The following MAGI3 variants were observed in gnomAD, a reference collection of about 807,000 sequenced individuals.
The protein encoded by MAGI3 is membrane associated guanylate kinase, WW and PDZ domain containing 3.
A neutral mutation model predicts 121.8 loss-of-function variants in MAGI3; 43 were observed. That is an observed-to-expected ratio of 0.35 (90% confidence interval 0.28 to 0.46). The LOEUF (loss-of-function observed/expected upper bound fraction) is 0.46, where lower values mean the gene tolerates loss of function less well. Ranked by LOEUF, MAGI3 falls within the 20% of genes least tolerant of loss-of-function variation. The pLI is 1.00. For synonymous variants in MAGI3, 553 were observed against 639.3 expected (o/e 0.86, Z 2.04); for missense variants, 1,547 against 1,797.3 (o/e 0.86, Z 2.52).
intron 8 of MAGI3, among the ~76,000 whole-genome samples, chr1:113,620,749 A>G (rs555103590): frequency 6.6e-6 from 1 of 152,318 alleles, no homozygotes; most frequent in East Asian, 1.9e-4. Flanking sequence ...GATAGGTGCC[A>G]TCATAGAGTA....
chr1:113,567,588 C>CT (rs1660485247), intron 2 of MAGI3, among the ~76,000 whole-genome samples: 1 of 152,036 alleles, frequency 6.6e-6, no homozygotes, highest in Non-Finnish European at 1.5e-5. Context: ...AAATTTATGC[C>CT]TGGAATGCAA....
chr1:113,637,263 C>G (rs1652097953), intron 9 of MAGI3, among the ~76,000 whole-genome samples: 1 of 152,100 alleles, frequency 6.6e-6, no homozygotes, highest in African/African-American at 2.4e-5. Context: ...TGAATTTGAT[C>G]CTGTCATTAT....
At chr1:113,435,841 A>G (rs377302409) in intron 1 of MAGI3, among the ~76,000 whole-genome samples, 21 of 152,286 alleles carry the variant, frequency 1.4e-4, no homozygotes, top group African/African-American at 5.1e-4. Context: ...ACCATTCTAT[A>G]AAATATATTT....
At chr1:113,416,158 ATATTATTAT>A (rs1557743986) in intron 1 of MAGI3, among the ~76,000 whole-genome samples, 2 of 112,512 alleles carry the variant, frequency 1.8e-5, no homozygotes, top group Non-Finnish European at 3.7e-5. Flanking sequence ...TTAATGACAC[ATATTATTAT>A]GTAATTAATG....
At chr1:113,521,250 TA>T (rs1658180207) in intron 1 of MAGI3, among the ~76,000 whole-genome samples, 1 of 151,450 alleles carries the variant, frequency 6.6e-6, no homozygotes, top group African/African-American at 2.4e-5. Flanking sequence ...CACACTCAGC[TA>T]ATTTTTATAT....
At chr1:113,669,185 C>G (rs1647366846) in intron 16 of MAGI3, among the ~76,000 whole-genome samples, 1 of 152,170 alleles carries the variant, frequency 6.6e-6, no homozygotes, top group South Asian at 2.1e-4. Flanking sequence ...GACAATCGAA[C>G]TCTATACTGG....
At chr1:113,624,194 C>T (rs1651074142) in intron 9 of MAGI3, among the ~76,000 whole-genome samples, 1 of 152,148 alleles carries the variant, frequency 6.6e-6, no homozygotes, top group African/African-American at 2.4e-5. Context: ...CTTCAATATA[C>T]TGATTTCCTT....
chr1:113,536,991 CT>C (rs1659037443), intron 1 of MAGI3, among the ~76,000 whole-genome samples: 1 of 152,126 alleles, frequency 6.6e-6, no homozygotes, highest in Non-Finnish European at 1.5e-5. Flanking sequence ...CACAAAGTTA[CT>C]TTTTTAATAT....
chr1:113,436,306 C>CTA (rs1337791178), intron 1 of MAGI3, among the ~76,000 whole-genome samples: 2 of 151,418 alleles, frequency 1.3e-5, no homozygotes, highest in Non-Finnish European at 2.9e-5. Context: ...CTCTCTCTCT[C>CTA]TATATATATA....
At position 113,394,887 on chromosome 1, in the gene MAGI3, T is replaced by C. The variant is rs190583791; in HGVS notation, c.316+3538T>C. 1.4e-4 allele frequency among the ~76,000 whole-genome samples: 22 copies of C among 152,216 alleles called. No individual in the cohort carries two copies. The East Asian group carries it at 3.7e-3, about 25-fold the overall frequency. On this transcript the variant is annotated intron_variant, in intron 1 of 20. Transcript: ENST00000307546. ...AAGTTGAAACAGTTCCTGGGTAATG[T>C]TAAAGGTAGGTAAAAGTCTTCACTG...
At chr1:113,420,609 T>G (rs1196596488) in intron 1 of MAGI3, among the ~76,000 whole-genome samples, 1 of 152,222 alleles carries the variant, frequency 6.6e-6, no homozygotes, top group Non-Finnish European at 1.5e-5. Flanking sequence ...GAAAGGAGTT[T>G]GAATATTTAA....
rs1057012394 is a variant in MAGI3, at chr1:113,685,121, T to C, written c.*1107T>C. The C allele has an allele frequency of 4.6e-5, 7 of 152,364 alleles. No homozygotes were observed. Among genetic ancestry groups the C allele is most frequent in the African/African-American group, 1.7e-4 (7 of 41,456 alleles). 9.4% of individuals were successfully genotyped at this position (152,364 alleles called of 1,614,324 possible). A position where few individuals can be genotyped will look rare whatever the true frequency, so the allele number is the denominator to read the frequency against. On this transcript the variant is annotated 3_prime_UTR_variant, in exon 21 of 21. Transcript: ENST00000307546. ...AAATGTGTAGACAGTACTTACTGGA[T>C]CTTATTTAACTTTTAGCTACATTAA...
At chr1:113,536,688 T>G (rs188936395) in intron 1 of MAGI3, among the ~76,000 whole-genome samples, 14 of 152,304 alleles carry the variant, frequency 9.2e-5, no homozygotes, top group Admixed American at 7.8e-4. Flanking sequence ...TGGTTCCAGC[T>G]AACATGACTG....
At chr1:113,521,987 T>C (rs942315876) in intron 1 of MAGI3, among the ~76,000 whole-genome samples, 1 of 152,224 alleles carries the variant, frequency 6.6e-6, no homozygotes, top group African/African-American at 2.4e-5. Flanking sequence ...TCTTCTATCA[T>C]GCCCACAGCT....
intron 12 of MAGI3, 58 bp from the exon 13 acceptor site, chr1:113,649,179 T>G: frequency 7.4e-7 from 1 of 1,355,600 alleles, no homozygotes; most frequent in East Asian, 2.4e-5. Flanking sequence ...CTGAACTTTG[T>G]TTTGTTTTAA....
chr1:113,552,552 T>C (rs1042054176), intron 2 of MAGI3, among the ~76,000 whole-genome samples: 9 of 152,232 alleles, frequency 5.9e-5, no homozygotes, highest in Admixed American at 1.3e-4. Flanking sequence ...AATAAAAATA[T>C]GTACTTGTAC....
At chr1:113,552,117 A>G (rs2101674007) in intron 2 of MAGI3, among the ~76,000 whole-genome samples, 1 of 152,250 alleles carries the variant, frequency 6.6e-6, no homozygotes, top group East Asian at 1.9e-4. Flanking sequence ...AATAGCCATT[A>G]CATTACTGTA....
intron 9 of MAGI3, among the ~76,000 whole-genome samples, chr1:113,635,076 T>C (rs1274193632): frequency 6.6e-6 from 1 of 152,182 alleles, no homozygotes; most frequent in Non-Finnish European, 1.5e-5. Context: ...TTTTTATACA[T>C]TGATTTTGTA....
At chr1:113,633,227 A>G (rs1570969643) in intron 9 of MAGI3, among the ~76,000 whole-genome samples, 1 of 136,188 alleles carries the variant, frequency 7.3e-6, no homozygotes, top group East Asian at 2.3e-4. Flanking sequence ...TACAAAGGAC[A>G]TGAACTCATC....
Sources: gnomAD v4.1 joint callset for allele counts (sites outside exome capture counted in the v4.1 genomes callset) on GRCh38, gnomAD v4.1.1 for gene constraint, MANE v1.5 for transcripts, NCBI Gene and HGNC (gene_info 2026-07-23, HGNC 2026-07-21) for gene names.